Variants in ZBTB44 observed in about 807,000 individuals in gnomAD.
ZBTB44 encodes the protein zinc finger and BTB domain containing 44.
Under a neutral mutation model 54.0 loss-of-function variants are expected in ZBTB44, and 15 were observed. The observed-to-expected ratio is 0.28, with a 90% CI of 0.19 to 0.43. ZBTB44 has a LOEUF of 0.43. ZBTB44 is among the 20% of genes least tolerant of loss of function. The pLI is 1.00. For missense variants in ZBTB44, 487 were observed against 707.1 expected, an observed-to-expected ratio of 0.69 and a Z score of 3.53; for synonymous variants, 230 against 250.1, an observed-to-expected ratio of 0.92 and a Z score of 0.76.
chr11:130,261,860 G>T lies in ZBTB44; in HGVS notation c.14C>A (p.Thr5Lys). 6.2e-7 allele frequency: 1 copy of T among 1,606,262 alleles called. No homozygotes were observed. Among genetic ancestry groups the T allele is most frequent in the Non-Finnish European group, 8.5e-7 (1 of 1,174,498 alleles). Reference protein sequence around the residue: MGVKTFTHSSSSHSQ... With the variant: MGVKKFTHSSSSHSQ... ...GTGGGAAGAGGAGCTATGAGTAAAT[G>T]TTTTCACACCCATCTTTTACTTCCT... The change falls in exon 2 of 8, where the codon ACA becomes AAA. Residue 5 changes from threonine to lysine, a missense_variant. Thr to Lys is a moderately conservative substitution (Grantham distance 78). This residue lies in a region of ZBTB44 where 90 missense variants were observed against 160.3 expected (regional missense o/e 0.56). Transcript: ENST00000357899. This position sits in a 1 kb window ranked among gnomAD's most constrained non-coding sequence, Gnocchi z 4.8.
At position 130,261,162 on chromosome 11, in the gene ZBTB44, G is replaced by T. The variant is rs1363676045; in HGVS notation, c.712C>A (p.Arg238=). ...TTAACTTTCTCAGGCTGAATCCTTCGATCAATTCCAAAAGGAAAAGTCCAA... is the reference window on the plus strand; with the variant it reads ...TTAACTTTCTCAGGCTGAATCCTTCTATCAATTCCAAAAGGAAAAGTCCAA... The part of the protein sequence containing the change: ...FPWTFPFGID[R]RIQPEKVKQA... The change falls in exon 2 of 8, where the codon CGA becomes AGA. Residue 238 remains arginine (R), a synonymous_variant. Transcript: ENST00000357899. This position sits in a 1 kb window ranked among gnomAD's most constrained non-coding sequence, Gnocchi z 4.8. 19 of 1,613,824 alleles carry T rather than the reference G, an allele frequency of 1.2e-5. No homozygotes were observed. Among genetic ancestry groups the T allele is most frequent in the Non-Finnish European group, 1.4e-5 (17 of 1,179,860 alleles).
At chr11:130,279,356 T>C (rs1940346578) in intron 1 of ZBTB44, among the ~76,000 whole-genome samples, 1 of 147,862 alleles carries the variant, frequency 6.8e-6, no homozygotes, top group South Asian at 2.2e-4. Flanking sequence ...TACAAATTAA[T>C]TGAAATCAAA....
chr11:130,294,529 C>T (rs974098065), intron 1 of ZBTB44, among the ~76,000 whole-genome samples: 1 of 101,744 alleles, frequency 9.8e-6, no homozygotes, highest in South Asian at 3.4e-4. Context: ...ACACAAAGGT[C>T]TATATGACCA....
chr11:130,258,677 G>C (rs955202482), intron 2 of ZBTB44, among the ~76,000 whole-genome samples: 1 of 152,226 alleles, frequency 6.6e-6, no homozygotes, highest in African/African-American at 2.4e-5. Context: ...GAAAGACTAT[G>C]TGACACAGAC....
At chr11:130,300,763 T>C (rs985208747) in intron 1 of ZBTB44, among the ~76,000 whole-genome samples, 1 of 151,930 alleles carries the variant, frequency 6.6e-6, no homozygotes, top group African/African-American at 2.4e-5. Context: ...TAATAGCATA[T>C]AAGAAAAAAG....
Position 130,229,082 on chromosome 11 carries a change from A to AG in ZBTB44, c.*2681dup, listed in dbSNP as rs1266133506. On this transcript the variant is annotated 3_prime_UTR_variant, in exon 8 of 8. Coordinates refer to ENST00000357899, the MANE Select transcript of ZBTB44 (RefSeq NM_001301098.2). ...GTCTTGCACAGTGGGGGTTTACTTA[A>AG]GTAAAAGTAGCACAAACATTTCAAA... The AG allele has an allele frequency of 6.6e-6, 1 of 152,220 alleles. No homozygotes were observed. Among genetic ancestry groups the AG allele is most frequent in the East Asian group, 1.9e-4 (1 of 5,204 alleles). The allele number at this position is 152,220 out of a possible 1,614,324, so 9.4% of individuals were successfully genotyped here.
chr11:130,291,632 C>G (rs1390692281), intron 1 of ZBTB44, among the ~76,000 whole-genome samples: 1 of 152,188 alleles, frequency 6.6e-6, no homozygotes, highest in Non-Finnish European at 1.5e-5. Context: ...TTTCTCTACA[C>G]TGAACTCTGG....
Position 130,234,263 on chromosome 11 carries a change from C to T in ZBTB44, c.1579G>A (p.Val527Ile). 3 of 1,534,740 alleles carry T rather than the reference C, an allele frequency of 2.0e-6. No homozygotes were observed. The highest frequency in any genetic ancestry group is 2.6e-6 in the Non-Finnish European group (3 of 1,139,294). ...TGTTCCTGGTTTAAGTAGTCCGGTA[C>T]TAGGAAATCACTAGATAAGAGGCAA... Reference protein sequence around the residue: ...ANYFQSSDFLVPDYLNQEQEE... With the variant: ...ANYFQSSDFLIPDYLNQEQEE... The change falls in exon 6 of 8, where the codon GTA becomes ATA. Residue 527 changes from valine (V) to isoleucine (I), a missense_variant. Physicochemically the swap from Val to Ile is conservative, Grantham distance 29. Coordinates refer to ENST00000357899, the MANE Select transcript of ZBTB44 (RefSeq NM_001301098.2).
intron 1 of ZBTB44, among the ~76,000 whole-genome samples, chr11:130,272,469 C>CA (rs1236385156): frequency 3.9e-5 from 6 of 152,142 alleles, no homozygotes; most frequent in African/African-American, 1.4e-4. Context: ...ACTGAGTTGT[C>CA]AGAGTTCTTT....
intron 2 of ZBTB44, among the ~76,000 whole-genome samples, chr11:130,259,744 G>A (rs1343022338): frequency 1.4e-5 from 2 of 146,026 alleles, no homozygotes; most frequent in African/African-American, 5.0e-5. Flanking sequence ...ATAAGTGGGA[G>A]TTAAACAATG....
At chr11:130,242,883 C>T (rs903903456) in intron 2 of ZBTB44, among the ~76,000 whole-genome samples, 5 of 152,274 alleles carry the variant, frequency 3.3e-5, no homozygotes, top group East Asian at 1.9e-4. Context: ...TGTTGTCTTC[C>T]GCACCCTTCT....
intron 1 of ZBTB44, among the ~76,000 whole-genome samples, chr11:130,276,318 GAGA>G (rs1305354672): frequency 1.3e-5 from 2 of 151,348 alleles, no homozygotes; most frequent in South Asian, 2.1e-4. Flanking sequence ...ATGTGCACTT[GAGA>G]AGAACATATA....
chr11:130,277,966 A>G (rs1940229303), intron 1 of ZBTB44, among the ~76,000 whole-genome samples: 1 of 152,206 alleles, frequency 6.6e-6, no homozygotes, highest in Admixed American at 6.5e-5. Flanking sequence ...TGCTATAAGA[A>G]GTCAGCCATT....
intron 2 of ZBTB44, among the ~76,000 whole-genome samples, chr11:130,256,381 A>G (rs1047335482): frequency 6.6e-6 from 1 of 152,348 alleles, no homozygotes; most frequent in African/African-American, 2.4e-5. Context: ...GGCCTTCAAT[A>G]AAATTCAACA....
At chr11:130,308,529 G>A (rs1343588982) in intron 1 of ZBTB44, among the ~76,000 whole-genome samples, 2 of 152,190 alleles carry the variant, frequency 1.3e-5, no homozygotes, top group African/African-American at 4.8e-5. Context: ...TAGTAGCAAT[G>A]TCAAAGTGTT....
intron 1 of ZBTB44, among the ~76,000 whole-genome samples, chr11:130,313,934 GTGTTTGTGTGTGTGTATA>G (rs1262172127): frequency 1.1e-5 from 1 of 94,706 alleles, no homozygotes; most frequent in Non-Finnish European, 2.1e-5. Context: ...ATGTGTGTGT[GTGTTTGTGTGTGTGTATA>G]TATATATATA....
intron 1 of ZBTB44, among the ~76,000 whole-genome samples, chr11:130,281,466 G>A (rs1165684055): frequency 6.6e-6 from 1 of 151,806 alleles, no homozygotes; most frequent in Non-Finnish European, 1.5e-5. Flanking sequence ...ACAGCAGTGA[G>A]CTGTGATTGT....
At chr11:130,243,871 A>T (rs917790550) in intron 2 of ZBTB44, among the ~76,000 whole-genome samples, 1 of 152,142 alleles carries the variant, frequency 6.6e-6, no homozygotes, top group Non-Finnish European at 1.5e-5. Context: ...ATTACCAATC[A>T]GGAACGTGTT....
intron 1 of ZBTB44, among the ~76,000 whole-genome samples, chr11:130,280,037 C>T (rs1432170270): frequency 6.6e-6 from 1 of 152,058 alleles, no homozygotes; most frequent in African/African-American, 2.4e-5. Flanking sequence ...AACCTGAAGA[C>T]TTCTAGGCTT....
Sources: allele counts gnomAD v4.1 joint callset (sites outside exome capture counted in the v4.1 genomes callset), GRCh38; gene constraint gnomAD v4.1.1; regional missense constraint gnomAD v4.1.1; non-coding constraint Gnocchi (gnomAD v3.1); transcripts MANE v1.5; gene names NCBI Gene and HGNC (gene_info 2026-07-23, HGNC 2026-07-21).